The following ARHGAP6 variants were observed in gnomAD, a reference collection of about 807,000 sequenced individuals.
The protein encoded by ARHGAP6 is rho GTPase-activating protein 6.
ARHGAP6 carries 16 observed loss-of-function variants against 55.7 expected under a neutral mutation model. That is an observed-to-expected ratio of 0.29 (90% CI 0.19 to 0.44). ARHGAP6 has a LOEUF of 0.44. Ranked by LOEUF, ARHGAP6 falls within the 20% of genes least tolerant of loss-of-function variation. The pLI is 1.00. For missense variants in ARHGAP6, 698 were observed against 808.9 expected (o/e 0.86, Z 1.66); for synonymous variants, 382 against 360.9 (o/e 1.06, Z -0.66).
At chrX:11,359,696 A>G (rs1336805463) in intron 1 of ARHGAP6, among the ~76,000 whole-genome samples, 22 of 105,240 alleles carry the variant, frequency 2.1e-4, no homozygotes, top group Admixed American at 3.0e-4. Flanking sequence ...AAAACCCTTC[A>G]AAAAATTAAT....
intron 2 of ARHGAP6, among the ~76,000 whole-genome samples, chrX:11,203,261 C>G (rs1304693099): frequency 7.1e-5 from 8 of 112,029 alleles, no homozygotes; most frequent in Non-Finnish European, 1.5e-4. Context: ...ATTTCCACAT[C>G]AATGGCTTTC....
At chrX:11,643,059 G>T (rs1345057470) in intron 1 of ARHGAP6, among the ~76,000 whole-genome samples, 3 of 110,962 alleles carry the variant, frequency 2.7e-5, no homozygotes, top group Non-Finnish European at 3.8e-5. Context: ...TATAGCCATT[G>T]CCCCATCCAT....
intron 1 of ARHGAP6, among the ~76,000 whole-genome samples, chrX:11,635,122 G>A (rs1307825625): frequency 2.7e-5 from 3 of 112,277 alleles, no homozygotes; most frequent in African/African-American, 6.5e-5. Context: ...AGATAGAACC[G>A]GCTAGCAAGT....
intron 10 of ARHGAP6, among the ~76,000 whole-genome samples, chrX:11,152,640 G>C (rs2045799495): frequency 8.9e-6 from 1 of 111,797 alleles, no homozygotes; most frequent in African/African-American, 3.3e-5. Context: ...CTATCTCTGA[G>C]ACTTCAAATC....
chrX:11,220,528 A>C (rs2147414522), intron 2 of ARHGAP6, among the ~76,000 whole-genome samples: 1 of 111,089 alleles, frequency 9.0e-6, no homozygotes, highest in East Asian at 2.8e-4. Context: ...TATCCAGCCA[A>C]ACTAAGCTTC....
intron 2 of ARHGAP6, among the ~76,000 whole-genome samples, chrX:11,201,989 CTGTGTGTGTGTGTGTGTG>C (rs56023548): frequency 1.6e-3 from 106 of 65,473 alleles, no homozygotes; most frequent in African/African-American, 3.1e-3. Context: ...GCATCTGGAT[CTGTGTGTGTGTGTGTGTG>C]TGTGTGTGTG....
At chrX:11,520,131 T>TTTTATA (rs2050898800) in intron 1 of ARHGAP6, among the ~76,000 whole-genome samples, 2 of 18,263 alleles carry the variant, frequency 1.1e-4, no homozygotes, top group South Asian at 4.2e-3. Context: ...AGAATTGATT[T>TTTTATA]TATATATATA....
At chrX:11,187,763 G>A (rs1458201813) in intron 4 of ARHGAP6, among the ~76,000 whole-genome samples, 1 of 112,073 alleles carries the variant, frequency 8.9e-6, no homozygotes, top group African/African-American at 3.2e-5. Context: ...AAGGGAGAGA[G>A]GGTCAGGCGT....
At chrX:11,607,832 C>A (rs2052053456) in intron 1 of ARHGAP6, among the ~76,000 whole-genome samples, 1 of 112,042 alleles carries the variant, frequency 8.9e-6, no homozygotes, top group South Asian at 3.7e-4. Flanking sequence ...TGGCTTCTTT[C>A]AACAAAGCTT....
At position 11,199,415 on chromosome X, in the gene ARHGAP6, G is replaced by A. The variant is rs878887514; in HGVS notation, c.749-2419C>T. On this transcript the variant is annotated intron_variant, in intron 2 of 12. Transcript: ENST00000337414. ...GATATGCTAAATCTGGAACTCTGGG[G>A]TGTCACCCAGCAATGTGTGTTTGAA... Among the ~76,000 whole-genome samples the A allele has an allele frequency of 3.6e-5, 4 of 111,454 alleles. No individual in the cohort carries two copies. The Admixed American group carries it at 3.8e-4, about 11-fold the overall frequency.
At chrX:11,657,295 G>A (rs932776014) in intron 1 of ARHGAP6, among the ~76,000 whole-genome samples, 5 of 109,894 alleles carry the variant, frequency 4.5e-5, no homozygotes, top group Non-Finnish European at 7.6e-5. Context: ...CACAGCAAAT[G>A]AGAACCCAAA....
chrX:11,653,048 G>A (rs2052603505), intron 1 of ARHGAP6, among the ~76,000 whole-genome samples: 1 of 111,889 alleles, frequency 8.9e-6, no homozygotes, highest in Non-Finnish European at 1.9e-5. Flanking sequence ...GCCTTGAAAA[G>A]CAGTCAACTT....
intron 1 of ARHGAP6, among the ~76,000 whole-genome samples, chrX:11,632,259 A>G (rs1471127345): frequency 8.9e-6 from 1 of 112,420 alleles, no homozygotes; most frequent in African/African-American, 3.2e-5. Flanking sequence ...AACAAAAGTA[A>G]GGGGAAATAA....
chrX:11,502,123 T>G (rs1475950517), intron 1 of ARHGAP6, among the ~76,000 whole-genome samples: 1 of 112,669 alleles, frequency 8.9e-6, no homozygotes, highest in Non-Finnish European at 1.9e-5. Context: ...TGTTCATCAA[T>G]GGAATAAACT....
intron 6 of ARHGAP6, among the ~76,000 whole-genome samples, chrX:11,179,726 T>A (rs2046287275): frequency 2.0e-5 from 2 of 101,305 alleles, no homozygotes; most frequent in African/African-American, 7.3e-5. Context: ...TGTATATATA[T>A]GTATTGTATA....
chrX:11,298,566 G>A (rs754022687), intron 1 of ARHGAP6: 4 of 1,208,726 alleles, frequency 3.3e-6, no homozygotes, highest in East Asian at 3.0e-5. Context: ...CTATGGTTAC[G>A]AGCCCATGGG....
intron 8 of ARHGAP6, among the ~76,000 whole-genome samples, chrX:11,171,129 G>A (rs1039499290): frequency 9.0e-6 from 1 of 110,794 alleles, no homozygotes; most frequent in Non-Finnish European, 1.9e-5. Flanking sequence ...GGGAGTACGG[G>A]GTGAAGGAAG....
chrX:11,522,642 T>C (rs2050943676), intron 1 of ARHGAP6, among the ~76,000 whole-genome samples: 1 of 111,451 alleles, frequency 9.0e-6, no homozygotes, highest in African/African-American at 3.3e-5. Context: ...CTGGAAGAAA[T>C]GGATAAATTC....
chrX:11,257,343 A>G (rs988244410), intron 1 of ARHGAP6, among the ~76,000 whole-genome samples: 9 of 112,320 alleles, frequency 8.0e-5, no homozygotes, highest in African/African-American at 2.9e-4. Flanking sequence ...CTTTTTCTGT[A>G]AAGACCACAT....
Sources: gnomAD v4.1 joint callset for allele counts (sites outside exome capture counted in the v4.1 genomes callset) on GRCh38, gnomAD v4.1.1 for gene constraint, MANE v1.5 for transcripts, NCBI Gene and HGNC (gene_info 2026-07-23, HGNC 2026-07-21) for gene names.